Variants in LIPK observed in about 807,000 individuals in gnomAD.
LIPK encodes the protein lipase member K.
In LIPK, 32 loss-of-function variants were observed where a neutral mutation model predicts 48.6. That is an observed-to-expected ratio of 0.66 (90% CI 0.50 to 0.88). The LOEUF (loss-of-function observed/expected upper bound fraction) is 0.88, where lower values mean the gene tolerates loss of function less well. Ranked by LOEUF, LIPK falls within the 40% of genes least tolerant of loss-of-function variation. The pLI, the probability that LIPK is intolerant of heterozygous loss-of-function variation, is 0.00. For missense variants in LIPK, 507 were observed against 478.5 expected (o/e 1.06, Z -0.56); for synonymous variants, 164 against 157.4 (o/e 1.04, Z -0.32).
At chr10:88,738,583 C>T (rs1015507095) in intron 7 of LIPK, among the ~76,000 whole-genome samples, 2 of 152,214 alleles carry the variant, frequency 1.3e-5, no homozygotes, top group Non-Finnish European at 2.9e-5. Context: ...GGAAACTATG[C>T]TTCCTATCAC....
chr10:88,730,418 T>G (rs908230321), intron 3 of LIPK, among the ~76,000 whole-genome samples: 4 of 152,020 alleles, frequency 2.6e-5, no homozygotes, highest in Non-Finnish European at 5.9e-5. Context: ...GCCTCCCGAG[T>G]AGCTGGGACT....
At chr10:88,737,836 T>C in intron 7 of LIPK, 55 bp downstream of exon 7, 1 of 1,582,234 alleles carries the variant, frequency 6.3e-7, no homozygotes, top group Non-Finnish European at 8.6e-7. Context: ...ACAGAAGTGA[T>C]GAAAGTTATC....
chr10:88,740,413 T>C (rs1842657733), intron 8 of LIPK, among the ~76,000 whole-genome samples: 2 of 152,262 alleles, frequency 1.3e-5, no homozygotes, highest in East Asian at 3.8e-4. Context: ...AAAGAGCTGT[T>C]CATCCTCCAA....
intron 8 of LIPK, 88 bp from the exon 9 acceptor site, chr10:88,743,161 AT>A: frequency 2.6e-6 from 2 of 780,042 alleles, no homozygotes; most frequent in Non-Finnish European, 4.2e-6. Context: ...CTGGGGCATA[AT>A]GTTAATCTTC....
intron 1 of LIPK, among the ~76,000 whole-genome samples, chr10:88,707,350 C>T (rs1355871397): frequency 6.6e-6 from 1 of 152,054 alleles, no homozygotes; most frequent in Non-Finnish European, 1.5e-5. Context: ...TCCTGTCTCT[C>T]CCTTACTTTG....
At chr10:88,747,678 A>C (rs1428459932) in intron 9 of LIPK, among the ~76,000 whole-genome samples, 1 of 152,222 alleles carries the variant, frequency 6.6e-6, no homozygotes, top group Non-Finnish European at 1.5e-5. Flanking sequence ...ACTGATCATC[A>C]GAGAAATGAA....
chr10:88,712,875 G>C (rs1173910433), intron 1 of LIPK, among the ~76,000 whole-genome samples: 1 of 152,124 alleles, frequency 6.6e-6, no homozygotes, highest in Non-Finnish European at 1.5e-5. Context: ...CTTGAATAAA[G>C]AGTTTTATTT....
intron 7 of LIPK, among the ~76,000 whole-genome samples, chr10:88,738,295 T>A (rs183378089): frequency 1.3e-5 from 2 of 152,054 alleles, no homozygotes; most frequent in Non-Finnish European, 2.9e-5. Flanking sequence ...GTCAAGTAAT[T>A]TCTAATTTAA....
At chr10:88,732,150 C>G in intron 4 of LIPK, 28 bp from the exon 5 acceptor site, 1 of 1,473,290 alleles carries the variant, frequency 6.8e-7, no homozygotes, top group Non-Finnish European at 9.4e-7. Flanking sequence ...GATGACTTTT[C>G]TAATTTGTTA....
rs369775216 is a variant in LIPK at position 88,710,481 on chromosome 10, T to A, written c.-12+4161T>A. ...GATCTGAATTGTACAGTTTGATGAATCTTAGCAATTACCCCAGTCAAAATT... is the reference window on the plus strand; with the variant it reads ...GATCTGAATTGTACAGTTTGATGAAACTTAGCAATTACCCCAGTCAAAATT... On this transcript the variant is annotated intron_variant, in intron 1 of 9. Transcript: ENST00000404190. 7.2e-5 allele frequency among the ~76,000 whole-genome samples: 11 copies of A among 152,320 alleles called. 1 individual carries two copies. Among genetic ancestry groups the A allele is most frequent in the African/African-American group, 2.4e-4 (10 of 41,572 alleles).
At chr10:88,740,394 T>G (rs1842657530) in intron 8 of LIPK, among the ~76,000 whole-genome samples, 1 of 152,218 alleles carries the variant, frequency 6.6e-6, no homozygotes, top group Admixed American at 6.5e-5. Flanking sequence ...ATGATGCATC[T>G]TATTCCAGAA....
chr10:88,721,115 CTAATATCCTTATATGCATTAGCATA>C (rs1219512561), intron 1 of LIPK, among the ~76,000 whole-genome samples: 5 of 42,908 alleles, frequency 1.2e-4, no homozygotes, highest in East Asian at 0.028. Context: ...ATTTCTTAGT[CTAATATCCTTATATGCATTAGCATA>C]TAAGGATATA....
At position 88,732,408 on chromosome 10, in the gene LIPK, A is replaced by C. The variant is rs779551487; in HGVS notation, c.533-7A>C. ...AAACTATGAACTACTGTCTTCTTCC[A>C]TTTCAGCTTTTATAGCATTTTCTAC... On this transcript the variant is annotated splice_region_variant and splice_polypyrimidine_tract_variant and intron_variant, in intron 5 of 9. Transcript: ENST00000404190. The C allele has an allele frequency of 6.2e-7, 1 of 1,605,478 alleles. No individual in the cohort carries two copies. Among genetic ancestry groups the C allele is most frequent in the Non-Finnish European group, 8.5e-7 (1 of 1,177,738 alleles).
intron 9 of LIPK, among the ~76,000 whole-genome samples, chr10:88,749,526 T>C (rs965284104): frequency 1.3e-5 from 2 of 152,220 alleles, no homozygotes; most frequent in African/African-American, 4.8e-5. Flanking sequence ...GATGGTCTAT[T>C]CAATAATTGG....
intron 6 of LIPK, among the ~76,000 whole-genome samples, chr10:88,736,675 C>G (rs1769695): frequency 0.22 from 33,112 of 152,078 alleles, 3,781 homozygotes; most frequent in East Asian, 0.37. Flanking sequence ...AAAATAGCCA[C>G]TTCATAAAAT....
chr10:88,741,402 T>C (rs1842678054), intron 8 of LIPK, among the ~76,000 whole-genome samples: 1 of 152,234 alleles, frequency 6.6e-6, no homozygotes, highest in East Asian at 1.9e-4. Context: ...CGTTTGTTTC[T>C]TTTTACAAAG....
intron 9 of LIPK, among the ~76,000 whole-genome samples, chr10:88,750,988 G>A (rs919691296): frequency 5.3e-5 from 8 of 152,060 alleles, no homozygotes; most frequent in Non-Finnish European, 1.2e-4. Flanking sequence ...TAATAACTAA[G>A]ACTGCCTAAT....
rs1008764339 is a variant in LIPK at position 88,752,538 on chromosome 10, A to T, written c.982A>T (p.Ile328Phe). The T allele has an allele frequency of 9.6e-6, 15 of 1,554,990 alleles. No individual in the cohort carries two copies. The highest frequency in any genetic ancestry group is 1.3e-5 in the Non-Finnish European group (15 of 1,144,990). Residue 328 changes from isoleucine to phenylalanine, a missense_variant, in exon 10 of 10, where the codon ATT (isoleucine) becomes TTT (phenylalanine). Physicochemically the swap from Ile to Phe is conservative, Grantham distance 21. Transcript: ENST00000404190. Reference sequence around the variant, plus strand: ...TTAGCTTACACCTCCTTTATACAACATTACTAAGATGGAAGTTCCAACAGC... The same window carrying T: ...TTAGCTTACACCTCCTTTATACAACTTTACTAAGATGGAAGTTCCAACAGC... Reference protein sequence around the residue: ...FHQLTPPLYNITKMEVPTAIW... With the variant: ...FHQLTPPLYNFTKMEVPTAIW...
intron 8 of LIPK, among the ~76,000 whole-genome samples, chr10:88,742,906 T>C (rs1404263739): frequency 6.6e-6 from 1 of 152,204 alleles, no homozygotes; most frequent in African/African-American, 2.4e-5. Context: ...TTAAAAAAAT[T>C]ATTAAAATTC....
Sources: allele counts gnomAD v4.1 joint callset (sites outside exome capture counted in the v4.1 genomes callset), GRCh38; gene constraint gnomAD v4.1.1; transcripts MANE v1.5; gene names NCBI Gene and HGNC (gene_info 2026-07-23, HGNC 2026-07-21).